RIMS2: variants seen among roughly 807,000 people sequenced by gnomAD.
RIMS2 encodes regulating synaptic membrane exocytosis protein 2.
RIMS2 carries 59 observed loss-of-function variants against 174.4 expected under a neutral mutation model. The observed-to-expected ratio is 0.34, with a 90% CI of 0.27 to 0.42. The LOEUF (loss-of-function observed/expected upper bound fraction) is 0.42, where lower values mean the gene tolerates loss of function less well. Among genes scored for constraint, RIMS2 ranks in the 10% least tolerant of loss-of-function variants. The probability of loss-of-function intolerance (pLI) is 1.00; values close to 1 mark genes in which losing one functional copy is unlikely to be tolerated. For missense variants in RIMS2, 1,620 were observed against 1,666.3 expected (o/e 0.97, Z 0.48); for synonymous variants, 606 against 572.5 (o/e 1.06, Z -0.84).
chr8:104,195,926 G>C (rs1443071379), intron 19 of RIMS2, among the ~76,000 whole-genome samples: 1 of 152,060 alleles, frequency 6.6e-6, no homozygotes, highest in Non-Finnish European at 1.5e-5. Context: ...ATAATTAAAA[G>C]ACTTTTAAGG....
chr8:104,185,749 G>A (rs563885996), intron 19 of RIMS2, among the ~76,000 whole-genome samples: 1 of 151,598 alleles, frequency 6.6e-6, no homozygotes, highest in Admixed American at 6.6e-5. Flanking sequence ...GATGTTGGCA[G>A]GAGAAAAGGG....
In RIMS2 at chr8:103,618,127, T is replaced by C. The variant is rs995886213; in HGVS notation, c.177-78959T>C. Among the ~76,000 whole-genome samples, 3 of 152,046 alleles carry C rather than the reference T, an allele frequency of 2.0e-5. No homozygotes were observed. In the East Asian group the frequency reaches 5.8e-4, roughly 29 times the overall value. On this transcript the variant is annotated intron_variant, in intron 1 of 23. Coordinates refer to ENST00000504942, the Ensembl canonical transcript of RIMS2. ...GACAGACTAGATAAAGAAAATGTGG[T>C]ACACATACTCCATGGAATATTATGT...
chr8:103,710,439 G>A (rs772706262), intron 2 of RIMS2, among the ~76,000 whole-genome samples: 1 of 151,898 alleles, frequency 6.6e-6, no homozygotes, highest in African/African-American at 2.4e-5. Context: ...ACGAAATATC[G>A]GTTCTCTTTG....
chr8:104,041,334 G>A (rs775354246), intron 19 of RIMS2: 1 of 698,116 alleles, frequency 1.4e-6, no homozygotes, highest in East Asian at 2.6e-5. Context: ...AGAAGAACTG[G>A]ACTCTACAAG....
exon 3 of RIMS2, chr8:103,766,489 A>G (rs1272470396): frequency 7.4e-6 from 12 of 1,613,858 alleles, no homozygotes; most frequent in South Asian, 2.2e-5. Context: ...TCTATTAAAA[A>G]TGGGTCAGGC....
exon 4 of RIMS2, chr8:103,885,559 C>T (rs200152573): frequency 1.1e-5 from 18 of 1,612,340 alleles, no homozygotes; most frequent in Admixed American, 1.7e-5. Flanking sequence ...GAGATGAATA[C>T]GAAAGGCAAA....
At chr8:103,519,205 C>T (rs1397807757) in intron 1 of RIMS2, among the ~76,000 whole-genome samples, 1 of 151,990 alleles carries the variant, frequency 6.6e-6, no homozygotes, top group Non-Finnish European at 1.5e-5. Context: ...ACTATATATC[C>T]TGAAATATTT....
intron 19 of RIMS2, among the ~76,000 whole-genome samples, chr8:104,069,587 G>T (rs1005152332): frequency 1.4e-5 from 2 of 146,894 alleles, no homozygotes; most frequent in Non-Finnish European, 3.0e-5. Flanking sequence ...TCCTGCCTCA[G>T]CCTGCCAAGT....
chr8:104,060,888 G>T (rs1276781676), intron 19 of RIMS2, among the ~76,000 whole-genome samples: 4 of 152,112 alleles, frequency 2.6e-5, no homozygotes, highest in Non-Finnish European at 5.9e-5. Context: ...TTTTGAGTGA[G>T]TTTCTTAATC....
rs200875830 is a variant in RIMS2 at position 103,976,524 on chromosome 8, T to TTTTTTC, written c.2927+1042_2927+1047dup. The TTTTTTC allele has an allele frequency of 7.2e-3, 1,053 of 147,172 alleles. 25 individuals carry two copies. The highest frequency in any genetic ancestry group is 0.011 in the Middle Eastern group (3 of 284). The allele number at this position is 147,172 out of a possible 1,614,324, so 9.1% of individuals were successfully genotyped here. ...TAGTAACAAATATCAGAATACTAATTTTTTTCTTTTTCTTTTTCTTTTTCT... is the reference window on the plus strand; with the variant it reads ...TAGTAACAAATATCAGAATACTAATTTTTTTCTTTTTCTTTTTCTTTTTCTTTTTCT... On this transcript the variant is annotated intron_variant, in intron 16 of 23. Coordinates refer to ENST00000504942, the Ensembl canonical transcript of RIMS2.
At chr8:103,894,912 A>G (rs543136202) in intron 4 of RIMS2, among the ~76,000 whole-genome samples, 1 of 151,770 alleles carries the variant, frequency 6.6e-6, no homozygotes, top group Non-Finnish European at 1.5e-5. Flanking sequence ...TTCATTTTCG[A>G]TAAAGTTATC....
intron 1 of RIMS2, among the ~76,000 whole-genome samples, chr8:103,578,852 C>T (rs1362494667): frequency 6.6e-6 from 1 of 151,524 alleles, no homozygotes; most frequent in Non-Finnish European, 1.5e-5. Flanking sequence ...ATTAGCCGGG[C>T]ATGGTGGCAC....
intron 19 of RIMS2, among the ~76,000 whole-genome samples, chr8:104,153,107 T>C (rs753745364): frequency 1.3e-4 from 20 of 152,134 alleles, no homozygotes; most frequent in South Asian, 2.1e-4. Flanking sequence ...TATAAAGGTA[T>C]GTTGACCAAC....
At chr8:104,222,433 A>G (rs1358417617) in intron 19 of RIMS2, among the ~76,000 whole-genome samples, 5 of 152,216 alleles carry the variant, frequency 3.3e-5, no homozygotes, top group Admixed American at 2.6e-4. Context: ...TGCATAATTT[A>G]CATTTTACGT....
intron 3 of RIMS2, among the ~76,000 whole-genome samples, chr8:103,782,912 T>C (rs2098405286): frequency 6.6e-6 from 1 of 152,200 alleles, no homozygotes. Context: ...TGTATGTTAG[T>C]TTTCTATATC....
chr8:104,013,710 A>G, intron 18 of RIMS2, 89 bp downstream of exon 20: 1 of 1,020,228 alleles, frequency 9.8e-7, no homozygotes. Flanking sequence ...CTCTTCTATC[A>G]TCTTTGGCTG....
At chr8:103,903,565 C>T (rs1372276209) in intron 4 of RIMS2, among the ~76,000 whole-genome samples, 1 of 151,934 alleles carries the variant, frequency 6.6e-6, no homozygotes, top group Non-Finnish European at 1.5e-5. Flanking sequence ...TTGTATTTTA[C>T]AATAGAAGTA....
At chr8:103,608,030 T>C (rs2095203153) in intron 1 of RIMS2, among the ~76,000 whole-genome samples, 1 of 148,362 alleles carries the variant, frequency 6.7e-6, no homozygotes, top group South Asian at 2.1e-4. Flanking sequence ...CCAGCTTTGT[T>C]CCGTTGCTGG....
intron 4 of RIMS2, among the ~76,000 whole-genome samples, chr8:103,907,001 G>A (rs2074561163): frequency 6.6e-6 from 1 of 152,104 alleles, no homozygotes; most frequent in African/African-American, 2.4e-5. Flanking sequence ...GAAAGAATGG[G>A]GTTCTTTCTA....
Sources: allele counts gnomAD v4.1 joint callset (sites outside exome capture counted in the v4.1 genomes callset), GRCh38; gene constraint gnomAD v4.1.1; transcripts MANE v1.5; gene names NCBI Gene and HGNC (gene_info 2026-07-23, HGNC 2026-07-21).